The following UGT2A3 variants were observed in gnomAD, a reference collection of about 807,000 sequenced individuals.
UGT2A3 encodes UDP-glucuronosyltransferase 2A3.
A neutral mutation model predicts 44.1 loss-of-function variants in UGT2A3; 55 were observed. The ratio of observed to expected loss-of-function variants is 1.25; its 90% confidence interval spans 1.00 to 1.56. The LOEUF is 1.56. Ranked by LOEUF, UGT2A3 falls within the 40% of genes most tolerant of loss-of-function variation. The pLI is 0.00. For missense variants in UGT2A3, 733 were observed against 621.6 expected, an observed-to-expected ratio of 1.18 and a Z score of -1.91; for synonymous variants, 243 against 215.1, an observed-to-expected ratio of 1.13 and a Z score of -1.13.
In UGT2A3 at chr4:68,930,765, C is replaced by A; in HGVS notation, c.1085G>T (p.Gly362Val). ...GATAAAAGCTTTGGTTTTGGGATGA[C>A]CTAGTATGTAAATTGGATGAGAAAT... ...YDWIPQNDLL[G>V]HPKTKAFITH... The change falls in exon 5 of 6, where the codon GGT becomes GTT. Residue 362 changes from glycine (G) to valine (V), a missense_variant and splice_region_variant. Transcript: ENST00000251566. 1 of 1,573,800 alleles carries A rather than the reference C, an allele frequency of 6.4e-7. No individual in the cohort carries two copies. Among genetic ancestry groups the A allele is most frequent in the Non-Finnish European group, 8.6e-7 (1 of 1,164,818 alleles).
chr4:68,930,497 G>A, intron 5 of UGT2A3, 49 bp downstream of exon 5: 1 of 1,470,644 alleles, frequency 6.8e-7, no homozygotes, highest in Non-Finnish European at 9.2e-7. Flanking sequence ...CTGGTATAAT[G>A]TATAACATAG....
chr4:68,931,200 CTCCTAATGTGGATGGTTTTTT>C lies in UGT2A3; in HGVS notation c.1018_1038del (p.Lys340_Gly346del). The C allele has an allele frequency of 6.2e-7, 1 of 1,613,058 alleles. No homozygotes were observed. Among genetic ancestry groups the C allele is most frequent in the Non-Finnish European group, 8.5e-7 (1 of 1,179,392 alleles). ...ATCCAATCATACAGCCGAGTATTGG[CTCCTAATGTGGATGGTTTTTT>C]TCCTTTGTACCTCCATAACACCTAC... On this transcript the variant is annotated inframe_deletion, in exon 4 of 6. Transcript: ENST00000251566.
rs1423699372 is a variant in UGT2A3, at chr4:68,928,762, A to G, written c.*1051T>C. On this transcript the variant is annotated 3_prime_UTR_variant, in exon 6 of 6. Coordinates refer to ENST00000251566, the MANE Select transcript of UGT2A3 (RefSeq NM_024743.4). ...AGCTTTGTGTAGAGCTTTACATATC[A>G]AAATATTTAATATATAATACTATTT... The G allele has an allele frequency of 6.6e-6, 1 of 151,832 alleles. No individual in the cohort carries two copies. Among genetic ancestry groups the G allele is most frequent in the Admixed American group, 6.6e-5 (1 of 15,226 alleles). The allele number at this position is 151,832 out of a possible 1,614,324, so 9.4% of individuals were successfully genotyped here.
At chr4:68,950,406 A>G (rs796755248) in intron 1 of UGT2A3, among the ~76,000 whole-genome samples, 19 of 151,986 alleles carry the variant, frequency 1.3e-4, no homozygotes, top group Admixed American at 3.9e-4. Flanking sequence ...GGATAAAAAC[A>G]TGTCTTGCAT....
chr4:68,945,621 AAAAG>A (rs1318082835), intron 1 of UGT2A3, among the ~76,000 whole-genome samples, 167 bp from the exon 2 acceptor site: 2 of 151,338 alleles, frequency 1.3e-5, no homozygotes, highest in African/African-American at 4.8e-5. Flanking sequence ...TAAAGAAGAA[AAAAG>A]AAAGAAAGGA....
chr4:68,944,492 A>C (rs745396504), intron 2 of UGT2A3, among the ~76,000 whole-genome samples: 1 of 151,824 alleles, frequency 6.6e-6, no homozygotes, highest in Non-Finnish European at 1.5e-5. Context: ...TTTACTTCTC[A>C]ATATTGTTTC....
chr4:68,951,577 A>T lies in UGT2A3; in HGVS notation c.184T>A (p.Ser62Thr), dbSNP rs1718595540. 1.2e-6 allele frequency: 2 copies of T among 1,612,946 alleles called. No individual in the cohort carries two copies. Among genetic ancestry groups the T allele is most frequent in the African/African-American group, 1.3e-5 (1 of 74,834 alleles). ...EVTVLTHSKP[S>T]LIDYRKPSAL... is the part of the protein sequence containing the mutation. Reference sequence around the variant, plus strand: ...GAAGGCTTCCTGTAGTCAATTAACGAAGGCTTTGAGTGAGTCAATACTGTT... The same window carrying T: ...GAAGGCTTCCTGTAGTCAATTAACGTAGGCTTTGAGTGAGTCAATACTGTT... The change falls in exon 1 of 6, where the codon TCG becomes ACG. Residue 62 changes from serine (S) to threonine (T), a missense_variant. Physicochemically the swap from Ser to Thr is moderately conservative, Grantham distance 58. Coordinates refer to ENST00000251566, the MANE Select transcript of UGT2A3 (RefSeq NM_024743.4).
rs1257165610 is a variant in UGT2A3, at chr4:68,929,119, T to C, written c.*694A>G. The C allele has an allele frequency of 2.0e-5, 3 of 152,092 alleles. No individual in the cohort carries two copies. Among genetic ancestry groups the C allele is most frequent in the Non-Finnish European group, 4.4e-5 (3 of 67,994 alleles). The allele number at this position is 152,092 out of a possible 1,614,324, so 9.4% of individuals were successfully genotyped here. ...GAATATCTTACTGACATGTTCTCTATGTGAGAAAAAAAATAGTTTCTTTTG... is the reference window on the plus strand; with the variant it reads ...GAATATCTTACTGACATGTTCTCTACGTGAGAAAAAAAATAGTTTCTTTTG... On this transcript the variant is annotated 3_prime_UTR_variant, in exon 6 of 6. Coordinates refer to ENST00000251566, the MANE Select transcript of UGT2A3 (RefSeq NM_024743.4).
intron 2 of UGT2A3, among the ~76,000 whole-genome samples, chr4:68,937,091 G>A (rs1049851581): frequency 2.0e-5 from 3 of 151,146 alleles, no homozygotes; most frequent in Admixed American, 6.6e-5. Flanking sequence ...CTGAGAGACC[G>A]ACAAAGAGAC....
At chr4:68,937,967 G>A (rs941024349) in intron 2 of UGT2A3, among the ~76,000 whole-genome samples, 4 of 152,020 alleles carry the variant, frequency 2.6e-5, no homozygotes, top group African/African-American at 7.2e-5. Context: ...CTAAAGAAAC[G>A]GATGAATTCC....
chr4:68,931,322 ATAAAC>A, intron 3 of UGT2A3, 80 bp from the exon 4 acceptor site: 1 of 1,170,412 alleles, frequency 8.5e-7, no homozygotes. Flanking sequence ...GTTATAAATT[ATAAAC>A]TCATTGTACT....
chr4:68,950,674 C>A (rs1242272969), intron 1 of UGT2A3, among the ~76,000 whole-genome samples: 1 of 151,514 alleles, frequency 6.6e-6, no homozygotes, highest in Non-Finnish European at 1.5e-5. Context: ...TCAAAGAAGA[C>A]CTTCTGAAGA....
Position 68,932,705 on chromosome 4 carries a change from G to C in UGT2A3, c.919C>G (p.Leu307Val). The change falls in exon 3 of 6, where the codon CTG becomes GTG. Residue 307 changes from leucine to valine, a missense_variant. Transcript: ENST00000251566. ...SGEDGIVVFS[L>V]GSLFQNVTEE... ...GTAACATTTTGAAACAGTGACCCCA[G>C]AGAAAACACCACAATACCATCTTCC... is the stretch of plus-strand genomic sequence containing the variant. 1 of 1,611,918 alleles carries C rather than the reference G, an allele frequency of 6.2e-7. No homozygotes were observed. The highest frequency in any genetic ancestry group is 8.5e-7 in the Non-Finnish European group (1 of 1,178,710).
rs1205005083 is a variant in UGT2A3, at chr4:68,929,551, A to G, written c.*262T>C. ...GGTTATAGAAGTAATGACATCATCA[A>G]AACAGTCATATCAGAAATAGGAAAA... is the stretch of plus-strand genomic sequence containing the variant. On this transcript the variant is annotated 3_prime_UTR_variant, in exon 6 of 6. Transcript: ENST00000251566. 5 of 314,066 alleles carry G rather than the reference A, an allele frequency of 1.6e-5. No individual in the cohort carries two copies. In the East Asian group the frequency reaches 2.7e-4, roughly 17 times the overall value. 19.5% of individuals were successfully genotyped at this position (314,066 alleles called of 1,614,324 possible). A position where few individuals can be genotyped will look rare whatever the true frequency, so the allele number is the denominator to read the frequency against.
At chr4:68,945,498 TA>T (rs1718354461) in intron 1 of UGT2A3, 44 bp from the exon 2 acceptor site, 3 of 1,486,176 alleles carry the variant, frequency 2.0e-6, no homozygotes, top group Admixed American at 2.2e-5. Flanking sequence ...ACAATTCAAA[TA>T]AAAAATTGTA....
chr4:68,935,276 G>GTGTATA (rs1474937828), intron 2 of UGT2A3, among the ~76,000 whole-genome samples: 15 of 60,136 alleles, frequency 2.5e-4, no homozygotes, highest in South Asian at 8.6e-4. Flanking sequence ...ATGTATGTAT[G>GTGTATA]TATATATATA....
intron 2 of UGT2A3, among the ~76,000 whole-genome samples, chr4:68,943,999 T>C (rs547512421): frequency 8.4e-4 from 128 of 151,868 alleles, no homozygotes; most frequent in Non-Finnish European, 1.5e-3. Flanking sequence ...TCTCCATTCA[T>C]TGGTTGAATG....
At chr4:68,931,987 G>C (rs187377014) in intron 3 of UGT2A3, among the ~76,000 whole-genome samples, 1 of 151,818 alleles carries the variant, frequency 6.6e-6, no homozygotes, top group African/African-American at 2.4e-5. Context: ...AAGTATTTTA[G>C]CTAAATATAA....
At chr4:68,934,409 G>T (rs1355595381) in intron 2 of UGT2A3, among the ~76,000 whole-genome samples, 1 of 151,860 alleles carries the variant, frequency 6.6e-6, no homozygotes, top group Non-Finnish European at 1.5e-5. Context: ...ATTTAACAAA[G>T]ATTAGAGCAG....
Sources: allele counts gnomAD v4.1 joint callset (sites outside exome capture counted in the v4.1 genomes callset), GRCh38; gene constraint gnomAD v4.1.1; transcripts MANE v1.5; gene names NCBI Gene and HGNC (gene_info 2026-07-23, HGNC 2026-07-21).